FSD1: variants seen among roughly 807,000 people sequenced by gnomAD.
FSD1 encodes the protein fibronectin type III and SPRY domain containing 1, also known as fibronectin type III and SPRY domain-containing protein 1.
FSD1 carries 23 observed loss-of-function variants against 58.2 expected under a neutral mutation model. The observed-to-expected ratio is 0.40, with a 90% CI of 0.28 to 0.56. The LOEUF (loss-of-function observed/expected upper bound fraction) is 0.56. Ranked by LOEUF, FSD1 falls within the 20% of genes least tolerant of loss-of-function variation. FSD1 has a pLI of 0.54. For synonymous variants in FSD1, 265 were observed against 263.4 expected, an observed-to-expected ratio of 1.01 and a Z score of -0.06; for missense variants, 563 against 670.8, an observed-to-expected ratio of 0.84 and a Z score of 1.78.
chr19:4,317,776 T>C (rs1351167514), intron 8 of FSD1, among the ~76,000 whole-genome samples: 1 of 152,198 alleles, frequency 6.6e-6, no homozygotes, highest in East Asian at 1.9e-4. Context: ...CCCAACACTC[T>C]GGGAGGCTGA....
chr19:4,318,999 C>T (rs1729313231), intron 10 of FSD1, 48 bp downstream of exon 10: 1 of 1,451,596 alleles, frequency 6.9e-7, no homozygotes, highest in Non-Finnish European at 9.7e-7. Context: ...GGGCAGGGGC[C>T]TAATGGTGGG....
intron 4 of FSD1, among the ~76,000 whole-genome samples, chr19:4,309,107 G>T (rs939430948): frequency 2.0e-5 from 3 of 152,064 alleles, no homozygotes; most frequent in African/African-American, 7.2e-5. Flanking sequence ...AATTAGCTGG[G>T]TGTGGTGGCA....
At chr19:4,316,511 G>T (rs1270236352) in intron 7 of FSD1, among the ~76,000 whole-genome samples, 1 of 151,970 alleles carries the variant, frequency 6.6e-6, no homozygotes, top group Non-Finnish European at 1.5e-5. Context: ...GTAAGCCACC[G>T]CACCCAGACT....
chr19:4,312,767 T>G (rs934195478), intron 7 of FSD1, among the ~76,000 whole-genome samples: 7 of 151,698 alleles, frequency 4.6e-5, no homozygotes, highest in Non-Finnish European at 1.0e-4. Flanking sequence ...ATTGCGCCAC[T>G]GCACTCCAGC....
chr19:4,306,199 C>T lies in FSD1; in HGVS notation c.113C>T (p.Ala38Val), dbSNP rs148301348. 3.8e-5 allele frequency: 61 copies of T among 1,613,856 alleles called. No individual in the cohort carries two copies. In the East Asian group the frequency reaches 4.0e-4, roughly 11 times the overall value. Residue 38 changes from alanine (A) to valine (V), a missense_variant and splice_region_variant, in exon 3 of 13, where the codon GCG becomes GTG. Ala to Val is a moderately conservative substitution (Grantham distance 64, BLOSUM62 0). Transcript: ENST00000221856. ...CCGATTCTGGCTGTTCCGACCCAGGCGAACTCGGCGAAGGTGCAGGAGGAC... is the reference window on the plus strand; with the variant it reads ...CCGATTCTGGCTGTTCCGACCCAGGTGAACTCGGCGAAGGTGCAGGAGGAC... ...SLKQMLLNVE[A>V]NSAKVQEDLE...
At chr19:4,305,848 A>G (rs756934895) in intron 1 of FSD1, 98 bp from the exon 2 acceptor site, 13 of 844,660 alleles carry the variant, frequency 1.5e-5, no homozygotes, top group Non-Finnish European at 2.6e-5. Context: ...ACGTGTGTGC[A>G]TGTGTGTGCA....
chr19:4,312,807 AAAATAAATAAAT>A lies in FSD1; in HGVS notation c.700+779_700+790del, dbSNP rs377254722. 2.6e-4 allele frequency among the ~76,000 whole-genome samples: 39 copies of A among 148,814 alleles called. No individual in the cohort carries two copies. The South Asian group carries it at 6.7e-3, about 26-fold the overall frequency. ...GCGACAGAGCAAGACTCCGTCTCAA[AAAATAAATAAAT>A]AAATAAATAAATAAATAAATAATAA... On this transcript the variant is annotated intron_variant, in intron 7 of 12. Transcript: ENST00000221856.
At chr19:4,322,737 G>A (rs1235377590) in intron 10 of FSD1, among the ~76,000 whole-genome samples, 1 of 152,040 alleles carries the variant, frequency 6.6e-6, no homozygotes, top group Non-Finnish European at 1.5e-5. Flanking sequence ...GGCCCAAGGA[G>A]TATCTGGAGG....
chr19:4,310,836 A>G, intron 6 of FSD1: 1 of 461,652 alleles, frequency 2.2e-6, no homozygotes, highest in Non-Finnish European at 3.9e-6. Flanking sequence ...AAAACTCTGT[A>G]CCCAGGGGTG....
chr19:4,314,247 A>G lies in FSD1; in HGVS notation c.700+2196A>G, dbSNP rs1422149003. Among the ~76,000 whole-genome samples, 94 of 152,220 alleles carry G rather than the reference A, an allele frequency of 6.2e-4. 4 individuals are homozygous for G. The highest frequency in any genetic ancestry group is 6.2e-3 in the Admixed American group (94 of 15,268). ...AGGAGCTGCAAACAGCCATTGGCTTATCCTTTGCTTGAGAATCAAAATAAA... is the reference window on the plus strand; with the variant it reads ...AGGAGCTGCAAACAGCCATTGGCTTGTCCTTTGCTTGAGAATCAAAATAAA... On this transcript the variant is annotated intron_variant, in intron 7 of 12. Transcript: ENST00000221856.
At chr19:4,317,055 A>G (rs1457408988) in intron 7 of FSD1, 127 bp from the exon 8 acceptor site, 4 of 662,992 alleles carry the variant, frequency 6.0e-6, no homozygotes, top group Non-Finnish European at 1.1e-5. Flanking sequence ...GCCCGGCTGG[A>G]TAAGATGTTT....
intron 7 of FSD1, among the ~76,000 whole-genome samples, chr19:4,313,423 G>A (rs1971717243): frequency 7.2e-6 from 1 of 138,344 alleles, no homozygotes; most frequent in African/African-American, 2.9e-5. Flanking sequence ...GGGTCTGAAG[G>A]GGGAAAGCCT....
intron 7 of FSD1, among the ~76,000 whole-genome samples, chr19:4,312,851 A>T (rs909108782): frequency 6.7e-6 from 1 of 150,268 alleles, no homozygotes; most frequent in Non-Finnish European, 1.5e-5. Context: ...ATAATAATGA[A>T]TATATTTTTC....
Position 4,305,970 on chromosome 19 carries a change from A to G in FSD1, c.40A>G (p.Thr14Ala), listed in dbSNP as rs2144753588. The G allele has an allele frequency of 6.2e-7, 1 of 1,614,108 alleles. No homozygotes were observed. The highest frequency in any genetic ancestry group is 1.1e-5 in the South Asian group (1 of 91,080). The change falls in exon 2 of 13, where the codon ACA (threonine) becomes GCA (alanine). Residue 14 changes from threonine (T) to alanine (A), a missense_variant. Coordinates refer to ENST00000221856, the MANE Select transcript of FSD1 (RefSeq NM_024333.3). ...QREALRKIIK[T>A]LAVKNEEIQS... ...GGAGGCCCTGAGGAAGATCATCAAA[A>G]CACTGGCTGTGAAGAATGAAGAAAT... is the stretch of plus-strand genomic sequence containing the variant.
chr19:4,320,827 G>A (rs564399104), intron 10 of FSD1, among the ~76,000 whole-genome samples: 55 of 151,558 alleles, frequency 3.6e-4, no homozygotes, highest in African/African-American at 1.3e-3. Flanking sequence ...AGTATCTGGG[G>A]GAAATAGCTG....
Position 4,311,878 on chromosome 19 carries a change from T to C in FSD1, c.527T>C (p.Leu176Pro). The C allele has an allele frequency of 6.2e-7, 1 of 1,614,184 alleles. No individual in the cohort carries two copies. The highest frequency in any genetic ancestry group is 8.5e-7 in the Non-Finnish European group (1 of 1,180,042). Residue 176 changes from leucine (L) to proline (P), a missense_variant, in exon 7 of 13, where the codon CTG (leucine) becomes CCG (proline). Transcript: ENST00000221856. ...CCCGTGATCGACCTGGCTGAGTCCCTGGTGGCAGATAACTGTGTGACCCTG... is the reference window on the plus strand; with the variant it reads ...CCCGTGATCGACCTGGCTGAGTCCCCGGTGGCAGATAACTGTGTGACCCTG... Reference protein sequence around the residue: ...SAPVIDLAESLVADNCVTLVW... With the variant: ...SAPVIDLAESPVADNCVTLVW...
Position 4,323,406 on chromosome 19 carries a change from G to T in FSD1, c.1350G>T (p.Arg450Ser). The T allele has an allele frequency of 6.2e-7, 1 of 1,613,864 alleles. No homozygotes were observed. Among genetic ancestry groups the T allele is most frequent in the Non-Finnish European group, 8.5e-7 (1 of 1,179,870 alleles). Reference protein sequence around the residue: ...TKQVLHTFKTRFTQPLLPAFT... With the variant: ...TKQVLHTFKTSFTQPLLPAFT... ...AAGTGCTGCACACTTTCAAGACCAGGTTCACACAGCCGCTGCTGCCTGCTT... is the reference window on the plus strand; with the variant it reads ...AAGTGCTGCACACTTTCAAGACCAGTTTCACACAGCCGCTGCTGCCTGCTT... The change falls in exon 12 of 13, where the codon AGG (arginine) becomes AGT (serine). Residue 450 changes from arginine (R) to serine (S), a missense_variant. Physicochemically the swap from Arg to Ser is moderately radical, Grantham distance 110. Coordinates refer to ENST00000221856, the MANE Select transcript of FSD1 (RefSeq NM_024333.3). This position sits in a 1 kb window ranked among gnomAD's most constrained non-coding sequence, Gnocchi z 7.7.
chr19:4,310,652 AG>A, intron 6 of FSD1, 56 bp downstream of exon 6: 1 of 1,575,390 alleles, frequency 6.3e-7, no homozygotes. Context: ...CTGGGAGGCT[AG>A]GAGGCCCTGA....
intron 4 of FSD1, among the ~76,000 whole-genome samples, chr19:4,309,348 T>A (rs188457400): frequency 6.6e-4 from 101 of 152,300 alleles, no homozygotes; most frequent in African/African-American, 2.3e-3. Flanking sequence ...AGAACTGCAT[T>A]TGTGTGAGTA....
Sources: gnomAD v4.1 joint callset for allele counts (sites outside exome capture counted in the v4.1 genomes callset) on GRCh38, gnomAD v4.1.1 for gene constraint, Gnocchi (gnomAD v3.1) non-coding constraint, MANE v1.5 for transcripts, NCBI Gene and HGNC (gene_info 2026-07-23, HGNC 2026-07-21) for gene names.